LAMA2: variants seen among roughly 807,000 people sequenced by gnomAD.
LAMA2 encodes laminin subunit alpha-2.
In LAMA2, 269 loss-of-function variants were observed where a neutral mutation model predicts 364.8. That is an observed-to-expected ratio of 0.74 (90% CI 0.67 to 0.82). LAMA2 has a LOEUF of 0.82. LAMA2 is among the 40% of genes least tolerant of loss of function. LAMA2 has a pLI of 0.00. For missense variants in LAMA2, 3,807 were observed against 3,873.2 expected, an observed-to-expected ratio of 0.98 and a Z score of 0.45; for synonymous variants, 1,379 against 1,370.6, an observed-to-expected ratio of 1.01 and a Z score of -0.14.
intron 14 of LAMA2, among the ~76,000 whole-genome samples, chr6:129,252,915 T>A (rs1047984969): frequency 4.6e-5 from 7 of 152,204 alleles, no homozygotes; most frequent in Non-Finnish European, 1.0e-4. Context: ...GGAACGTTTC[T>A]TTTCAGTGTA....
rs56355320 is a variant in LAMA2, at chr6:129,232,932, T to C, written c.1783-17180T>C. Among the ~76,000 whole-genome samples the C allele has an allele frequency of 6.3e-3, 957 of 152,232 alleles. 5 individuals are homozygous for C. The highest frequency in any genetic ancestry group is 0.02 in the Middle Eastern group (6 of 294). On this transcript the variant is annotated intron_variant, in intron 12 of 64. Transcript: ENST00000421865. The stretch of plus-strand genomic sequence containing the variant: ...CTGGCTTTAAAGATGGAGAGTCCCT[T>C]GAACCAAGGAATGTGAATGACCTCT...
chr6:128,977,068 C>T (rs1160944129), intron 1 of LAMA2, among the ~76,000 whole-genome samples: 1 of 151,996 alleles, frequency 6.6e-6, no homozygotes, highest in African/African-American at 2.4e-5. Flanking sequence ...CTTATCTGGC[C>T]TTTTTTCCTA....
chr6:129,343,116 T>C (rs1776359438), intron 30 of LAMA2, among the ~76,000 whole-genome samples: 1 of 152,148 alleles, frequency 6.6e-6, no homozygotes, highest in South Asian at 2.1e-4. Context: ...ATGAAAACCC[T>C]AGGTGTTTTC....
chr6:129,440,665 A>C (rs1466785785), intron 42 of LAMA2, 151 bp from the exon 43 acceptor site: 1 of 712,996 alleles, frequency 1.4e-6, no homozygotes, highest in East Asian at 2.6e-5. Flanking sequence ...AATTTGCTTC[A>C]TTTGCTACAC....
At chr6:129,238,866 A>G (rs1785200055) in intron 12 of LAMA2, among the ~76,000 whole-genome samples, 1 of 151,844 alleles carries the variant, frequency 6.6e-6, no homozygotes, top group Non-Finnish European at 1.5e-5. Context: ...TGGTTCAGCA[A>G]TTGGGTCTCC....
intron 30 of LAMA2, among the ~76,000 whole-genome samples, chr6:129,343,072 G>A (rs1776357362): frequency 6.6e-6 from 1 of 152,214 alleles, no homozygotes; most frequent in African/African-American, 2.4e-5. Context: ...TTATTTCAGT[G>A]CTGTCTGAAC....
At chr6:129,261,565 G>T (rs914147080) in intron 15 of LAMA2, among the ~76,000 whole-genome samples, 10 of 152,068 alleles carry the variant, frequency 6.6e-5, no homozygotes, top group African/African-American at 1.9e-4. Context: ...TTGACAGAGC[G>T]CATGGCTAGC....
Position 129,320,659 on chromosome 6 carries a change from A to T in LAMA2, c.4176+4A>T. The T allele has an allele frequency of 6.6e-7, 1 of 1,504,834 alleles. No homozygotes were observed. Among genetic ancestry groups the T allele is most frequent in the Non-Finnish European group, 9.3e-7 (1 of 1,080,096 alleles). 93.2% of individuals were successfully genotyped at this position (1,504,834 alleles called of 1,614,324 possible). On this transcript the variant is annotated splice_donor_region_variant and intron_variant, in intron 28 of 64. Coordinates refer to ENST00000421865, the MANE Select transcript of LAMA2 (RefSeq NM_000426.4). ...CTATTCTGGCCTGTCCTGTGAGGTA[A>T]GCTACCTCCTACTAACCTGCTTAAT...
intron 42 of LAMA2, among the ~76,000 whole-genome samples, chr6:129,440,277 C>A (rs962158520): frequency 2.2e-5 from 3 of 138,678 alleles, no homozygotes; most frequent in African/African-American, 5.4e-5. Flanking sequence ...ACTTTTTTAA[C>A]GTTTAAAAAC....
intron 1 of LAMA2, among the ~76,000 whole-genome samples, chr6:128,981,579 C>CAAA (rs145266584): frequency 1.3e-4 from 16 of 119,470 alleles, no homozygotes; most frequent in African/African-American, 4.6e-4. Flanking sequence ...CCATCTCTAC[C>CAAA]AAAAAAAAAA....
chr6:128,904,987 G>A (rs1426824255), intron 1 of LAMA2, among the ~76,000 whole-genome samples: 1 of 152,106 alleles, frequency 6.6e-6, no homozygotes, highest in Non-Finnish European at 1.5e-5. Context: ...TTAATCAATG[G>A]AGAAATTAAT....
chr6:129,445,205 T>G (rs11964027), intron 44 of LAMA2, among the ~76,000 whole-genome samples: 1 of 152,098 alleles, frequency 6.6e-6, no homozygotes, highest in Non-Finnish European at 1.5e-5. Context: ...CTCTTTAAGA[T>G]GTGCAAAAAA....
intron 40 of LAMA2, among the ~76,000 whole-genome samples, chr6:129,415,944 T>TGATCAA (rs1241800645): frequency 1.1e-4 from 11 of 104,072 alleles, no homozygotes; most frequent in South Asian, 3.4e-4. Context: ...ACACTTTCTT[T>TGATCAA]CTTTTTTTTT....
intron 1 of LAMA2, among the ~76,000 whole-genome samples, chr6:128,988,774 A>C (rs1383386607): frequency 6.6e-6 from 1 of 152,216 alleles, no homozygotes; most frequent in Non-Finnish European, 1.5e-5. Flanking sequence ...ATTAAAACTG[A>C]AGCATTTAAT....
intron 6 of LAMA2, among the ~76,000 whole-genome samples, chr6:129,148,095 T>G: frequency 6.6e-6 from 1 of 152,070 alleles, no homozygotes; most frequent in East Asian, 1.9e-4. Context: ...GCTTTCTGCA[T>G]TTTAAAAATC....
At chr6:129,044,694 T>C (rs1038800229) in intron 1 of LAMA2, among the ~76,000 whole-genome samples, 1 of 151,972 alleles carries the variant, frequency 6.6e-6, no homozygotes, top group Non-Finnish European at 1.5e-5. Flanking sequence ...TAACCAGAAC[T>C]CCAACTAAAC....
At chr6:129,145,211 T>G (rs1481825378) in intron 5 of LAMA2, among the ~76,000 whole-genome samples, 1 of 152,008 alleles carries the variant, frequency 6.6e-6, no homozygotes, top group Non-Finnish European at 1.5e-5. Flanking sequence ...GGGTTAATAG[T>G]TACAGATCCT....
rs868492170 is a variant in LAMA2 at position 129,219,782 on chromosome 6, A to T, written c.1782+26929A>T. 2.7e-4 allele frequency among the ~76,000 whole-genome samples: 34 copies of T among 127,966 alleles called. 1 individual carries two copies. Among genetic ancestry groups the T allele is most frequent in the South Asian group, 1.6e-3 (5 of 3,152 alleles). 84.0% of individuals were successfully genotyped at this position (127,966 alleles called of 152,430 possible). A position where few individuals can be genotyped will look rare whatever the true frequency, so the allele number is the denominator to read the frequency against. On this transcript the variant is annotated intron_variant, in intron 12 of 64. Coordinates refer to ENST00000421865, the MANE Select transcript of LAMA2 (RefSeq NM_000426.4). ...CATAGGTGGGAATTGAACAATGAGA[A>T]CACATGGACACAGGAAGGGGAACAT...
At chr6:129,269,386 T>C (rs1029576404) in intron 16 of LAMA2, among the ~76,000 whole-genome samples, 4 of 150,512 alleles carry the variant, frequency 2.7e-5, no homozygotes, top group Admixed American at 2.7e-4. Flanking sequence ...TTTATTTCCA[T>C]TATATAGGTT....
Sources: gnomAD v4.1 joint callset for allele counts (sites outside exome capture counted in the v4.1 genomes callset) on GRCh38, gnomAD v4.1.1 for gene constraint, MANE v1.5 for transcripts, NCBI Gene and HGNC (gene_info 2026-07-23, HGNC 2026-07-21) for gene names.